CABIN1: variants seen among roughly 807,000 people sequenced by gnomAD.
CABIN1 encodes the protein calcineurin binding protein 1.
A neutral mutation model predicts 227.7 loss-of-function variants in CABIN1; 133 were observed. That is an observed-to-expected ratio of 0.58 (90% CI 0.51 to 0.67). The LOEUF is 0.67. CABIN1 is among the 30% of genes least tolerant of loss of function. CABIN1 has a pLI of 0.00. For missense variants in CABIN1, 2,408 were observed against 2,852.5 expected (o/e 0.84, Z 3.55); for synonymous variants, 1,086 against 1,155.1 (o/e 0.94, Z 1.21).
Position 24,084,881 on chromosome 22 carries a change from C to T in CABIN1, c.3117+96C>T, listed in dbSNP as rs2041046962. ...ATGCTCCTTTGCTTCTTTTTCTGCT[C>T]TGTACCAGACTGAGGGGCAGGAGAG... On this transcript the variant is annotated intron_variant, in intron 21 of 36. Transcript: ENST00000263119. 5 of 1,559,896 alleles carry T rather than the reference C, an allele frequency of 3.2e-6. No individual in the cohort carries two copies. The Admixed American group carries it at 8.4e-5, about 26-fold the overall frequency.
chr22:24,116,654 T>C (rs1446052377), intron 27 of CABIN1, among the ~76,000 whole-genome samples: 4 of 152,200 alleles, frequency 2.6e-5, no homozygotes, highest in African/African-American at 9.7e-5. Context: ...CTGGGGCATA[T>C]TTTGGTCTGG....
At chr22:24,170,215 A>T (rs1421261116) in intron 33 of CABIN1, 2 of 452,204 alleles carry the variant, frequency 4.4e-6, no homozygotes, top group Non-Finnish European at 8.9e-6. Flanking sequence ...CCCAGAGAAG[A>T]TGCCACTGTA....
At position 24,070,869 on chromosome 22, in the gene CABIN1, G is replaced by A; in HGVS notation, c.2302G>A (p.Val768Ile). Reference sequence around the variant, plus strand: ...TTCCGATGTGGCTCTGAACGAGGCTGTCCAGCAGATGGTGAACTCAGGTGA... The same window carrying A: ...TTCCGATGTGGCTCTGAACGAGGCTATCCAGCAGATGGTGAACTCAGGTGA... ...ECSDVALNEA[V>I]QQMVNSGEAA... The change falls in exon 17 of 37, where the codon GTC becomes ATC. Residue 768 changes from valine to isoleucine, a missense_variant. Val to Ile is a conservative substitution (Grantham distance 29, BLOSUM62 3). Around this residue, in one of 3 missense-constraint regions of CABIN1, gnomAD observed 1,045 missense variants for 1,168.4 expected, o/e 0.89. Coordinates refer to ENST00000263119, the MANE Select transcript of CABIN1 (RefSeq NM_012295.4). 6.2e-7 allele frequency: 1 copy of A among 1,614,252 alleles called. No homozygotes were observed. Among genetic ancestry groups the A allele is most frequent in the South Asian group, 1.1e-5 (1 of 91,086 alleles).
At chr22:24,076,106 A>G in intron 18 of CABIN1, 63 bp from the exon 19 acceptor site, 1 of 1,176,590 alleles carries the variant, frequency 8.5e-7, no homozygotes. Context: ...TGAGCCTCGC[A>G]GCCCCTGCAG....
intron 4 of CABIN1, 100 bp downstream of exon 4, chr22:24,038,561 T>C: frequency 1.2e-6 from 1 of 822,178 alleles, no homozygotes; most frequent in Non-Finnish European, 2.1e-6. Flanking sequence ...ATTTCTTGGC[T>C]GGGGAACCTT....
At chr22:24,049,904 T>G (rs755399709) in intron 7 of CABIN1, among the ~76,000 whole-genome samples, 2 of 152,080 alleles carry the variant, frequency 1.3e-5, no homozygotes, top group Non-Finnish European at 2.9e-5. Context: ...ACTTCTGAGG[T>G]GACCCAAGAA....
intron 8 of CABIN1, among the ~76,000 whole-genome samples, chr22:24,052,554 G>A (rs2038423717): frequency 6.6e-6 from 1 of 151,562 alleles, no homozygotes; most frequent in South Asian, 2.1e-4. Context: ...ACTTTGGGAG[G>A]CTGAGGCAGG....
At chr22:24,147,602 C>T (rs1286504118) in intron 29 of CABIN1, among the ~76,000 whole-genome samples, 1 of 151,822 alleles carries the variant, frequency 6.6e-6, no homozygotes, top group African/African-American at 2.4e-5. Context: ...ATGTGCCCCA[C>T]CACACCCAGC....
intron 10 of CABIN1, among the ~76,000 whole-genome samples, chr22:24,057,639 G>A (rs191795632): frequency 2.0e-5 from 3 of 152,348 alleles, no homozygotes; most frequent in Admixed American, 6.5e-5. Context: ...TCAAAGTGGT[G>A]AAGGAGAAGC....
chr22:24,054,896 T>C lies in CABIN1; in HGVS notation c.830T>C (p.Leu277Ser), dbSNP rs1344153026. 5.0e-6 allele frequency: 8 copies of C among 1,614,190 alleles called. No homozygotes were observed. Among genetic ancestry groups the C allele is most frequent in the Non-Finnish European group, 6.8e-6 (8 of 1,180,020 alleles). The change falls in exon 9 of 37, where the codon TTG (leucine) becomes TCG (serine). Residue 277 changes from leucine to serine, a missense_variant. Around this residue, in one of 3 missense-constraint regions of CABIN1, gnomAD observed 1,045 missense variants for 1,168.4 expected, o/e 0.89. Coordinates refer to ENST00000263119, the MANE Select transcript of CABIN1 (RefSeq NM_012295.4). The part of the protein sequence containing the change: ...FFTWKCLGES[L>S]LAMYNHLTTC... ...AGCTGGAAGTGCCTCGGAGAGAGCT[T>C]GCTGGCCATGTACAATCATCTCACC... is the stretch of plus-strand genomic sequence containing the variant.
At chr22:24,175,610 T>G (rs2047059899) in intron 34 of CABIN1, among the ~76,000 whole-genome samples, 1 of 152,228 alleles carries the variant, frequency 6.6e-6, no homozygotes, top group South Asian at 2.1e-4. Flanking sequence ...TTGGCCCAAC[T>G]GAGCCCAATT....
chr22:24,153,203 G>A (rs367649509), intron 29 of CABIN1, among the ~76,000 whole-genome samples: 1 of 152,224 alleles, frequency 6.6e-6, no homozygotes, highest in Non-Finnish European at 1.5e-5. Context: ...CAAGGAGGGT[G>A]TGACCACTTA....
chr22:24,089,966 G>T (rs867056678), intron 23 of CABIN1, among the ~76,000 whole-genome samples: 4 of 152,184 alleles, frequency 2.6e-5, no homozygotes, highest in Non-Finnish European at 4.4e-5. Context: ...CATTTCCTGA[G>T]CCCCTCTCAT....
chr22:24,090,445 G>A (rs916017908), intron 23 of CABIN1, among the ~76,000 whole-genome samples: 5 of 151,838 alleles, frequency 3.3e-5, no homozygotes, highest in Admixed American at 2.0e-4. Flanking sequence ...GGTTGGTCCC[G>A]TGTTTGACCC....
intron 28 of CABIN1, among the ~76,000 whole-genome samples, chr22:24,129,472 C>T (rs1429156688): frequency 6.6e-6 from 1 of 152,226 alleles, no homozygotes; most frequent in Non-Finnish European, 1.5e-5. Context: ...CCCACTCACG[C>T]CCCATGGCTG....
intron 27 of CABIN1, 45 bp from the exon 28 acceptor site, chr22:24,119,322 G>A: frequency 6.5e-7 from 1 of 1,542,280 alleles, no homozygotes; most frequent in Non-Finnish European, 8.9e-7. Flanking sequence ...GCATGGACAG[G>A]GCCTAAAACC....
At chr22:24,102,840 G>T (rs1218225578) in intron 26 of CABIN1, among the ~76,000 whole-genome samples, 2 of 152,078 alleles carry the variant, frequency 1.3e-5, no homozygotes, top group Non-Finnish European at 2.9e-5. Flanking sequence ...TGAGCCCCAG[G>T]TTGTAGGGTG....
Position 24,095,932 on chromosome 22 carries a change from T to C in CABIN1, c.3788T>C (p.Val1263Ala). Reference sequence around the variant, plus strand: ...ACACTAGAGGTGTCGTTCTCCTAGGTGTACTTTCGGCTCCATGCTTCCATC... The same window carrying C: ...ACACTAGAGGTGTCGTTCTCCTAGGCGTACTTTCGGCTCCATGCTTCCATC... ...PPELAMEALE[V>A]YFRLHASILK... is the part of the protein sequence containing the mutation. The change falls in exon 25 of 37, where the codon GTG becomes GCG. Residue 1263 changes from valine (V) to alanine (A), a missense_variant and splice_region_variant. Physicochemically the swap from Val to Ala is moderately conservative, Grantham distance 64. Transcript: ENST00000263119. The C allele has an allele frequency of 6.2e-7, 1 of 1,613,926 alleles. No homozygotes were observed. Among genetic ancestry groups the C allele is most frequent in the Non-Finnish European group, 8.5e-7 (1 of 1,179,932 alleles).
chr22:24,044,606 A>G (rs1029601500), intron 6 of CABIN1, among the ~76,000 whole-genome samples: 1 of 152,234 alleles, frequency 6.6e-6, no homozygotes, highest in African/African-American at 2.4e-5. Context: ...ATAAGCAGTC[A>G]GGAGGAACTG....
Sources: gnomAD v4.1 joint callset for allele counts (sites outside exome capture counted in the v4.1 genomes callset) on GRCh38, gnomAD v4.1.1 for gene constraint, gnomAD v4.1.1 regional missense constraint, MANE v1.5 for transcripts, NCBI Gene and HGNC (gene_info 2026-07-23, HGNC 2026-07-21) for gene names.